MARCHF1: variants seen among roughly 807,000 people sequenced by gnomAD.
MARCHF1 encodes E3 ubiquitin-protein ligase MARCHF1.
Under a neutral mutation model 54.2 loss-of-function variants are expected in MARCHF1, and 40 were observed. The ratio of observed to expected loss-of-function variants is 0.74; its 90% CI spans 0.57 to 0.96. MARCHF1 has a LOEUF of 0.96. MARCHF1 is among the 40% of genes least tolerant of loss of function. MARCHF1 has a pLI of 0.00. For synonymous variants in MARCHF1, 236 were observed against 236.3 expected (o/e 1.00, Z 0.01); for missense variants, 586 against 656.5 (o/e 0.89, Z 1.17).
At chr4:164,140,923 T>C (rs749810607) in intron 1 of MARCHF1, among the ~76,000 whole-genome samples, 2 of 152,202 alleles carry the variant, frequency 1.3e-5, no homozygotes, top group Non-Finnish European at 2.9e-5. Flanking sequence ...AAGACAGTGC[T>C]GCAGGAGGTC....
At chr4:163,531,339 A>G (rs548352494) in intron 9 of MARCHF1, among the ~76,000 whole-genome samples, 15 of 152,056 alleles carry the variant, frequency 9.9e-5, no homozygotes, top group African/African-American at 1.4e-4. Flanking sequence ...TCAGAAATCA[A>G]TGTAATCACA....
chr4:164,164,370 C>T (rs569689384), intron 1 of MARCHF1, among the ~76,000 whole-genome samples: 1 of 151,618 alleles, frequency 6.6e-6, no homozygotes, highest in Non-Finnish European at 1.5e-5. Flanking sequence ...TGAGAGAAGA[C>T]ACATGTACCA....
intron 1 of MARCHF1, among the ~76,000 whole-genome samples, chr4:164,358,174 C>T (rs908264860): frequency 6.6e-6 from 1 of 152,094 alleles, no homozygotes; most frequent in African/African-American, 2.4e-5. Flanking sequence ...TGTAAAGCCT[C>T]TTCTGCTAGG....
chr4:163,644,109 A>G (rs184876197), intron 5 of MARCHF1, among the ~76,000 whole-genome samples: 693 of 152,244 alleles, frequency 4.6e-3, no homozygotes, highest in Non-Finnish European at 7.9e-3. Flanking sequence ...GTATTTGTTC[A>G]TGCCATGTTT....
intron 2 of MARCHF1, among the ~76,000 whole-genome samples, chr4:164,084,480 T>G (rs939521221): frequency 3.3e-5 from 5 of 151,910 alleles, no homozygotes; most frequent in African/African-American, 1.2e-4. Flanking sequence ...TTCCACATTT[T>G]CCATGCTTTA....
intron 3 of MARCHF1, among the ~76,000 whole-genome samples, chr4:163,930,612 T>C (rs946077321): frequency 3.3e-5 from 5 of 151,580 alleles, no homozygotes; most frequent in Non-Finnish European, 7.4e-5. Context: ...TGTTCCACCA[T>C]CATATTTTGA....
chr4:164,113,980 G>A (rs557294969), intron 1 of MARCHF1, among the ~76,000 whole-genome samples: 1 of 152,010 alleles, frequency 6.6e-6, no homozygotes, highest in African/African-American at 2.4e-5. Context: ...TTCCAGTAGA[G>A]GGGATAAAGG....
chr4:164,029,810 G>C (rs1346821559), intron 2 of MARCHF1, among the ~76,000 whole-genome samples: 1 of 152,146 alleles, frequency 6.6e-6, no homozygotes, highest in Admixed American at 6.5e-5. Context: ...GGCCAGGCTG[G>C]TCTCAAACTT....
At chr4:164,295,061 G>A (rs1041618622) in intron 1 of MARCHF1, among the ~76,000 whole-genome samples, 17 of 151,864 alleles carry the variant, frequency 1.1e-4, no homozygotes, top group African/African-American at 4.1e-4. Flanking sequence ...TAACATGGGA[G>A]CCCTCATAAT....
chr4:164,300,163 C>T (rs1734516935), intron 1 of MARCHF1, among the ~76,000 whole-genome samples: 1 of 151,944 alleles, frequency 6.6e-6, no homozygotes, highest in Admixed American at 6.6e-5. Flanking sequence ...TCCTTCCTCC[C>T]TACTTCCATC....
intron 3 of MARCHF1, among the ~76,000 whole-genome samples, chr4:163,913,293 TATA>T (rs1381943950): frequency 1.3e-5 from 2 of 152,188 alleles, no homozygotes; most frequent in African/African-American, 2.4e-5. Context: ...TTTTGGTGAT[TATA>T]ATGTTATTGA....
At chr4:163,937,441 T>C (rs1751822418) in intron 3 of MARCHF1, among the ~76,000 whole-genome samples, 1 of 151,842 alleles carries the variant, frequency 6.6e-6, no homozygotes, top group Non-Finnish European at 1.5e-5. Flanking sequence ...AAATCTTTAC[T>C]CCTAGGATAT....
chr4:164,189,879 A>G (rs1731078500), intron 1 of MARCHF1: 2 of 1,579,704 alleles, frequency 1.3e-6, no homozygotes, highest in African/African-American at 1.3e-5. Flanking sequence ...CACCTTTGAG[A>G]TAGATGTGAA....
chr4:164,305,024 A>G (rs868815600), intron 1 of MARCHF1, among the ~76,000 whole-genome samples: 54 of 152,294 alleles, frequency 3.5e-4, no homozygotes, highest in African/African-American at 1.1e-3. Context: ...TTCTGACATC[A>G]TTTGTAAAAA....
At chr4:164,066,140 T>A (rs918046977) in intron 2 of MARCHF1, among the ~76,000 whole-genome samples, 5 of 151,770 alleles carry the variant, frequency 3.3e-5, no homozygotes, top group African/African-American at 1.2e-4. Flanking sequence ...AACAAAGGTA[T>A]AATATCCAGC....
In MARCHF1 at chr4:163,617,195, A is replaced by C. The variant is rs149189101; in HGVS notation, c.163-3802T>G. Among the ~76,000 whole-genome samples the C allele has an allele frequency of 1.4e-3, 212 of 152,290 alleles. 1 individual carries two copies. Among genetic ancestry groups the C allele is most frequent in the African/African-American group, 5.1e-3 (210 of 41,572 alleles). On this transcript the variant is annotated intron_variant, in intron 5 of 9. Transcript: ENST00000514618. ...CTCACTCATTTGTGGGAATTTAAAA[A>C]TTGGGCTCATGGGAGTAGAAATTAG...
chr4:164,090,589 A>T (rs977194530), intron 2 of MARCHF1, among the ~76,000 whole-genome samples: 3 of 152,126 alleles, frequency 2.0e-5, no homozygotes, highest in Non-Finnish European at 4.4e-5. Context: ...TTATAAACAT[A>T]TTAAAAATGC....
Position 163,526,653 on chromosome 4 carries a change from G to GT in MARCHF1, c.*2094dup, listed in dbSNP as rs1197094814. On this transcript the variant is annotated 3_prime_UTR_variant, in exon 10 of 10. Coordinates refer to ENST00000514618, the MANE Select transcript of MARCHF1 (RefSeq NM_001394959.1). ...TATACAGTTTGTTTAAGGTCCACATGTTTTTTAAAACGTTAATTACTTATA... is the reference window on the plus strand; with the variant it reads ...TATACAGTTTGTTTAAGGTCCACATGTTTTTTTAAAACGTTAATTACTTATA... 1 of 116,564 alleles carries GT rather than the reference G, an allele frequency of 8.6e-6. No homozygotes were observed. The highest frequency in any genetic ancestry group is 1.9e-5 in the Non-Finnish European group (1 of 51,770). The allele number at this position is 116,564 out of a possible 1,614,324, so 7.2% of individuals were successfully genotyped here. A position where few individuals can be genotyped will look rare whatever the true frequency, so the allele number is the denominator to read the frequency against.
At chr4:164,139,250 A>C (rs1378703854) in intron 1 of MARCHF1, among the ~76,000 whole-genome samples, 1 of 152,192 alleles carries the variant, frequency 6.6e-6, no homozygotes, top group Non-Finnish European at 1.5e-5. Context: ...CTTTAAAAAA[A>C]AATCTTGAAG....
Sources: gnomAD v4.1 joint callset for allele counts (sites outside exome capture counted in the v4.1 genomes callset) on GRCh38, gnomAD v4.1.1 for gene constraint, MANE v1.5 for transcripts, NCBI Gene and HGNC (gene_info 2026-07-23, HGNC 2026-07-21) for gene names.